The following OSBPL9 variants were observed in gnomAD, a reference collection of about 807,000 sequenced individuals.
The protein encoded by OSBPL9 is oxysterol-binding protein-related protein 9.
Under a neutral mutation model 106.6 loss-of-function variants are expected in OSBPL9, and 40 were observed. The observed-to-expected ratio is 0.38, with a 90% CI of 0.29 to 0.49. The LOEUF (loss-of-function observed/expected upper bound fraction) is 0.49. Ranked by LOEUF, OSBPL9 falls within the 20% of genes least tolerant of loss-of-function variation. OSBPL9 has a pLI of 0.97. For missense variants in OSBPL9, 609 were observed against 887.2 expected (o/e 0.69, Z 3.98); for synonymous variants, 269 against 295.4 (o/e 0.91, Z 0.92).
chr1:51,531,655 A>G, the OSBPL9 span, among the ~76,000 whole-genome samples: 1 of 152,204 alleles, frequency 6.6e-6, no homozygotes, highest in East Asian at 1.9e-4. Flanking sequence ...AATTTGATAC[A>G]CTTTTAGATA....
the OSBPL9 span, among the ~76,000 whole-genome samples, chr1:51,549,597 T>G: frequency 1.3e-5 from 2 of 152,194 alleles, no homozygotes; most frequent in African/African-American, 4.8e-5. Context: ...TTTGGGAGGC[T>G]GAGATGGGCA....
chr1:51,654,570 G>A (rs1646709857), intron 2 of OSBPL9, among the ~76,000 whole-genome samples: 1 of 152,022 alleles, frequency 6.6e-6, no homozygotes, highest in South Asian at 2.1e-4. Context: ...ATGTTCATAG[G>A]ATATATAACA....
intron 4 of OSBPL9, among the ~76,000 whole-genome samples, chr1:51,718,063 C>G (rs1661391938): frequency 6.6e-6 from 1 of 152,166 alleles, no homozygotes; most frequent in South Asian, 2.1e-4. Flanking sequence ...GCAATCCTGT[C>G]TTGAATAGAA....
In OSBPL9 at chr1:51,729,598, C is replaced by T. The variant is rs114783963; in HGVS notation, c.318+15519C>T. 7.1e-3 allele frequency: 1,339 copies of T among 188,904 alleles called. 12 individuals carry two copies. The highest frequency in any genetic ancestry group is 0.03 in the African/African-American group (1,279 of 42,994). The allele number at this position is 188,904 out of a possible 1,614,324, so 11.7% of individuals were successfully genotyped here. A position where few individuals can be genotyped will look rare whatever the true frequency, so the allele number is the denominator to read the frequency against. On this transcript the variant is annotated intron_variant, in intron 4 of 23. Transcript: ENST00000428468. This position sits in a 1 kb window ranked among gnomAD's most constrained non-coding sequence, Gnocchi z 5.1. ...GGGTCGCGGGTCTGGGCGGGGCGCT[C>T]CGGACGCCCTCCCGCCGCTGCGCAC...
At chr1:51,617,560 C>G (rs1278617068) in intron 1 of OSBPL9, among the ~76,000 whole-genome samples, 1 of 152,050 alleles carries the variant, frequency 6.6e-6, no homozygotes, top group African/African-American at 2.4e-5. Flanking sequence ...TCCAGTCTTG[C>G]GGTTCATGCT....
At chr1:51,734,158 A>G (rs1665128180) in intron 4 of OSBPL9, among the ~76,000 whole-genome samples, 1 of 152,348 alleles carries the variant, frequency 6.6e-6, no homozygotes, top group Non-Finnish European at 1.5e-5. Context: ...GTGCGCACGC[A>G]GGAGAGAGAG....
chr1:51,714,161 A>G (rs1660619016), intron 4 of OSBPL9, 82 bp downstream of exon 4: 2 of 1,017,948 alleles, frequency 2.0e-6, no homozygotes, highest in Non-Finnish European at 2.9e-6. Flanking sequence ...TTTTTTTTAA[A>G]TAACTGTGGT....
At chr1:51,672,216 AG>A (rs1342241649) in intron 3 of OSBPL9, among the ~76,000 whole-genome samples, 2 of 152,204 alleles carry the variant, frequency 1.3e-5, no homozygotes, top group Non-Finnish European at 1.5e-5. Context: ...GGACAGAAGT[AG>A]GGAAACTATT....
Position 51,702,057 on chromosome 1 carries a change from T to C in OSBPL9, c.242-11946T>C, listed in dbSNP as rs557018661. On this transcript the variant is annotated intron_variant, in intron 3 of 23. Transcript: ENST00000428468. ...TAATCCAGTCTATCGTTGTTGGACATTTGGGTTGGTTCCAAGTCTTTGCTA... is the reference window on the plus strand; with the variant it reads ...TAATCCAGTCTATCGTTGTTGGACACTTGGGTTGGTTCCAAGTCTTTGCTA... 7.9e-5 allele frequency among the ~76,000 whole-genome samples: 12 copies of C among 152,368 alleles called. No individual in the cohort carries two copies. In the East Asian group the frequency reaches 2.3e-3, roughly 29 times the overall value.
rs1671555381 is a variant in OSBPL9, at chr1:51,761,758, A to C, written c.674-109A>C. On this transcript the variant is annotated intron_variant, in intron 10 of 23. Transcript: ENST00000428468. ...CATGGAACTAGACTTAATGAAATAAAGTTTCAAAAATTACTGGCCTTTAGG... is the reference window on the plus strand; with the variant it reads ...CATGGAACTAGACTTAATGAAATAACGTTTCAAAAATTACTGGCCTTTAGG... 1.0e-4 allele frequency: 83 copies of C among 814,616 alleles called. 3 individuals are homozygous for C. In the South Asian group the frequency reaches 1.2e-3, roughly 12 times the overall value. 50.5% of individuals were successfully genotyped at this position (814,616 alleles called of 1,614,324 possible).
chr1:51,760,257 G>A (rs1240969795), intron 9 of OSBPL9: 1 of 181,778 alleles, frequency 5.5e-6, no homozygotes, highest in Non-Finnish European at 1.1e-5. Context: ...TGTGATAGCA[G>A]CAGTATGGGA....
chr1:51,684,629 C>G (rs1350912342), intron 3 of OSBPL9, among the ~76,000 whole-genome samples: 2 of 151,428 alleles, frequency 1.3e-5, no homozygotes, highest in Non-Finnish European at 2.9e-5. Context: ...CTTCCGGGTT[C>G]AAGTGATTCT....
the OSBPL9 span, among the ~76,000 whole-genome samples, chr1:51,523,847 C>T: frequency 6.6e-6 from 1 of 152,080 alleles, no homozygotes; most frequent in African/African-American, 2.4e-5. Context: ...CTTTTAGAGG[C>T]AGTTGTCATA....
intron 3 of OSBPL9, among the ~76,000 whole-genome samples, chr1:51,693,408 GA>G (rs1248272202): frequency 7.9e-5 from 12 of 150,978 alleles, no homozygotes; most frequent in African/African-American, 2.9e-4. Flanking sequence ...AGAGAGAAAA[GA>G]AAAGAAGAAA....
chr1:51,616,353 C>A (rs1196023461), upstream of OSBPL9, among the ~76,000 whole-genome samples: 1 of 152,180 alleles, frequency 6.6e-6, no homozygotes. Flanking sequence ...TTATCTCCCA[C>A]CACTTTCTCC....
chr1:51,773,941 C>CTCTGTTGTT (rs901406229), intron 14 of OSBPL9, among the ~76,000 whole-genome samples: 40 of 149,086 alleles, frequency 2.7e-4, no homozygotes, highest in African/African-American at 9.4e-4. Flanking sequence ...CAGCTGCTGG[C>CTCTGTTGTT]GTTGTTGTTG....
chr1:51,639,481 T>C (rs1399553194), intron 1 of OSBPL9, among the ~76,000 whole-genome samples: 1 of 152,222 alleles, frequency 6.6e-6, no homozygotes, highest in African/African-American at 2.4e-5. Flanking sequence ...TGTTAAATGT[T>C]CTTTGCAAAG....
At chr1:51,613,483 C>G (rs573673626), upstream of OSBPL9, among the ~76,000 whole-genome samples, 18 of 152,180 alleles carry the variant, frequency 1.2e-4, no homozygotes, top group African/African-American at 4.3e-4. Flanking sequence ...ATCTCAGTTT[C>G]CTTATTTGTA....
Position 51,781,349 on chromosome 1 carries a change from T to C in OSBPL9, c.1428+14T>C, listed in dbSNP as rs1188966781. ...GAAGAGAACACAGTGAGTTCTGCAT[T>C]GACATTTTTAAATTATCTTAATTGT... On this transcript the variant is annotated intron_variant, in intron 16 of 23. Coordinates refer to ENST00000428468, the MANE Select transcript of OSBPL9 (RefSeq NM_024586.6). 2 of 1,607,648 alleles carry C rather than the reference T, an allele frequency of 1.2e-6. No individual in the cohort carries two copies. The highest frequency in any genetic ancestry group is 1.7e-6 in the Non-Finnish European group (2 of 1,174,968).
Sources: gnomAD v4.1 joint callset for allele counts (sites outside exome capture counted in the v4.1 genomes callset) on GRCh38, gnomAD v4.1.1 for gene constraint, Gnocchi (gnomAD v3.1) non-coding constraint, MANE v1.5 for transcripts, NCBI Gene and HGNC (gene_info 2026-07-23, HGNC 2026-07-21) for gene names.